Variants in APCDD1 observed in about 807,000 individuals in gnomAD.
APCDD1 encodes protein APCDD1.
Under a neutral mutation model 38.1 loss-of-function variants are expected in APCDD1, and 15 were observed. The observed-to-expected ratio is 0.39, with a 90% CI of 0.26 to 0.61. The LOEUF (loss-of-function observed/expected upper bound fraction) is 0.61. Ranked by LOEUF, APCDD1 falls within the 20% of genes least tolerant of loss-of-function variation. The pLI, the probability that APCDD1 is intolerant of heterozygous loss-of-function variation, is 0.49. For synonymous variants in APCDD1, 261 were observed against 279.7 expected (o/e 0.93, Z 0.67); for missense variants, 647 against 696.2 (o/e 0.93, Z 0.79).
At chr18:10,487,523 T>C (rs888645053) in intron 4 of APCDD1, 67 bp from the exon 5 acceptor site, 15 of 1,523,440 alleles carry the variant, frequency 9.8e-6, no homozygotes, top group Non-Finnish European at 1.4e-5. Context: ...GCCAGTGTTT[T>C]CTGGGTGGGT....
chr18:10,478,161 G>A (rs1415052974), intron 3 of APCDD1, among the ~76,000 whole-genome samples: 2 of 152,208 alleles, frequency 1.3e-5, no homozygotes, highest in African/African-American at 4.8e-5. Context: ...TACAGACTCA[G>A]GAATTAGCAG....
At position 10,487,931 on chromosome 18, in the gene APCDD1, A is replaced by G; in HGVS notation, c.1438A>G (p.Ser480Gly). The change falls in exon 5 of 5, where the codon AGT (serine) becomes GGT (glycine). Residue 480 changes from serine (S) to glycine (G), a missense_variant. Coordinates refer to ENST00000355285, the MANE Select transcript of APCDD1 (RefSeq NM_153000.5). Reference sequence around the variant, plus strand: ...GAGGGCAGAGGACCTCGCAGAAGACAGTGGAAGCAGCCTGTATGGCCGGGC... The same window carrying G: ...GAGGGCAGAGGACCTCGCAGAAGACGGTGGAAGCAGCCTGTATGGCCGGGC... ...SPRAEDLAED[S>G]GSSLYGRAPG... 5 of 1,613,476 alleles carry G rather than the reference A, an allele frequency of 3.1e-6. No individual in the cohort carries two copies. The highest frequency in any genetic ancestry group is 4.2e-6 in the Non-Finnish European group (5 of 1,179,822).
At chr18:10,481,179 T>G (rs1448440931) in intron 3 of APCDD1, among the ~76,000 whole-genome samples, 1 of 152,196 alleles carries the variant, frequency 6.6e-6, no homozygotes, top group Non-Finnish European at 1.5e-5. Context: ...AATTACCAAA[T>G]TGATCCACCT....
In APCDD1 at chr18:10,454,665, C is replaced by A; in HGVS notation, c.-317C>A. The stretch of plus-strand genomic sequence containing the variant: ...GACGCTGCAGCTGCGGTGGCGGTGG[C>A]GGCCACTGCAGCTCAGAGCGGCGCA... On this transcript the variant is annotated 5_prime_UTR_variant, in exon 1 of 5. Coordinates refer to ENST00000355285, the MANE Select transcript of APCDD1 (RefSeq NM_153000.5). 9.7e-7 allele frequency: 1 copy of A among 1,029,284 alleles called. No homozygotes were observed. The highest frequency in any genetic ancestry group is 1.2e-6 in the Non-Finnish European group (1 of 860,422). The allele number at this position is 1,029,284 out of a possible 1,614,324, so 63.8% of individuals were successfully genotyped here.
intron 1 of APCDD1, among the ~76,000 whole-genome samples, chr18:10,466,744 T>C (rs1435870993): frequency 6.6e-6 from 1 of 152,182 alleles, no homozygotes; most frequent in Non-Finnish European, 1.5e-5. Context: ...ACCATGACCA[T>C]GAATAATAAC....
intron 3 of APCDD1, chr18:10,474,241 A>G (rs1366238986): frequency 6.6e-6 from 1 of 152,258 alleles, no homozygotes; most frequent in African/African-American, 2.4e-5. Flanking sequence ...CTTTCAAATG[A>G]TCTCAGGTAA....
At chr18:10,456,898 G>T (rs958378493) in intron 1 of APCDD1, among the ~76,000 whole-genome samples, 1 of 152,248 alleles carries the variant, frequency 6.6e-6, no homozygotes, top group Non-Finnish European at 1.5e-5. Flanking sequence ...GGGAAGGGCA[G>T]TCTGAGCTAT....
intron 3 of APCDD1, among the ~76,000 whole-genome samples, chr18:10,482,315 G>T (rs770304815): frequency 1.3e-5 from 2 of 152,188 alleles, no homozygotes; most frequent in Non-Finnish European, 2.9e-5. Context: ...AAACCAAGTT[G>T]TGGGGAATGG....
intron 3 of APCDD1, among the ~76,000 whole-genome samples, chr18:10,481,529 A>G (rs476251): frequency 0.55 from 83,576 of 151,772 alleles, 24,660 homozygotes; most frequent in African/African-American, 0.77. Flanking sequence ...TTCCAGGGGC[A>G]GGAGAGAGAA....
At chr18:10,481,047 A>C (rs1309681366) in intron 3 of APCDD1, among the ~76,000 whole-genome samples, 3 of 152,248 alleles carry the variant, frequency 2.0e-5, no homozygotes, top group Non-Finnish European at 2.9e-5. Context: ...CAAAACTAGA[A>C]AATATCCAGT....
chr18:10,457,831 G>C (rs944510968), intron 1 of APCDD1, among the ~76,000 whole-genome samples: 1 of 152,140 alleles, frequency 6.6e-6, no homozygotes, highest in African/African-American at 2.4e-5. Context: ...AGTAAATGAG[G>C]CTCTGGCAAG....
rs754691351 is a variant in APCDD1 at position 10,485,718 on chromosome 18, G to A, written c.1031G>A (p.Arg344Gln). Residue 344 changes from arginine to glutamine, a missense_variant, in exon 4 of 5, where the codon CGG becomes CAG. Coordinates refer to ENST00000355285, the MANE Select transcript of APCDD1 (RefSeq NM_153000.5). This position sits in a 1 kb window ranked among gnomAD's most constrained non-coding sequence, Gnocchi z 5.8. The part of the protein sequence containing the change: ...CKHPTFSIYA[R>Q]GRYSRGVLSS... ...CACCCCACCTTCTCCATCTACGCCC[G>A]GGGCCGCTACAGCCGCGGCGTCCTC... 116 of 1,614,036 alleles carry A rather than the reference G, an allele frequency of 7.2e-5. No homozygotes were observed. The Middle Eastern group carries it at 3.1e-3, about 44-fold the overall frequency.
intron 1 of APCDD1, among the ~76,000 whole-genome samples, chr18:10,464,872 G>A (rs1320483047): frequency 6.6e-6 from 1 of 152,184 alleles, no homozygotes; most frequent in African/African-American, 2.4e-5. Flanking sequence ...AGAGCTCAGA[G>A]TGAGCCTGGC....
intron 1 of APCDD1, among the ~76,000 whole-genome samples, chr18:10,460,746 C>T (rs868540924): frequency 6.6e-6 from 1 of 152,228 alleles, no homozygotes; most frequent in African/African-American, 2.4e-5. Context: ...CACCCTTTTT[C>T]TTCTCTCACT....
rs141295029 is a variant in APCDD1, at chr18:10,457,921, T to G, written c.58+2882T>G. ...AAATTTGATGGCATAAAAGTATACA[T>G]GTCAGTTTTACTTTCCTCCTCTTCA... On this transcript the variant is annotated intron_variant, in intron 1 of 4. Transcript: ENST00000355285. 5.0e-3 allele frequency among the ~76,000 whole-genome samples: 756 copies of G among 152,348 alleles called. 4 individuals are homozygous for G. Among genetic ancestry groups the G allele is most frequent in the South Asian group, 0.014 (67 of 4,826 alleles).
chr18:10,460,060 A>C lies in APCDD1; in HGVS notation c.58+5021A>C, dbSNP rs1598394312. Among the ~76,000 whole-genome samples, 3 of 152,340 alleles carry C rather than the reference A, an allele frequency of 2.0e-5. 1 individual carries two copies. Among genetic ancestry groups the C allele is most frequent in the Admixed American group, 6.5e-5 (1 of 15,308 alleles). Reference sequence around the variant, plus strand: ...TGTATAGAGATTAACCTGATCAAAGATTAGTTTAGCCCCACGTGTGCTTGA... The same window carrying C: ...TGTATAGAGATTAACCTGATCAAAGCTTAGTTTAGCCCCACGTGTGCTTGA... On this transcript the variant is annotated intron_variant, in intron 1 of 4. Coordinates refer to ENST00000355285, the MANE Select transcript of APCDD1 (RefSeq NM_153000.5).
intron 3 of APCDD1, among the ~76,000 whole-genome samples, chr18:10,480,997 G>A (rs1471001738): frequency 6.6e-6 from 1 of 152,104 alleles, no homozygotes; most frequent in Non-Finnish European, 1.5e-5. Context: ...TGAGCTATCA[G>A]TTTACCCAGT....
intron 3 of APCDD1, among the ~76,000 whole-genome samples, chr18:10,481,379 C>A (rs1341589006): frequency 6.6e-6 from 1 of 152,182 alleles, no homozygotes; most frequent in Non-Finnish European, 1.5e-5. Flanking sequence ...AATTCTGACA[C>A]ATTTTACAAC....
At position 10,471,695 on chromosome 18, in the gene APCDD1, C is replaced by T. The variant is rs1428198099; in HGVS notation, c.408C>T (p.Ile136=). ...TCCGCCTCCGCCAGGCCTCCTGGAT[C>T]ATCCGAGGGGGCACGGAAGCCGACT... ...GKIRLRQASW[I]IRGGTEADYQ... is the part of the protein sequence containing the mutation. The change falls in exon 3 of 5, where the codon ATC becomes ATT. Residue 136 remains isoleucine, a synonymous_variant. Coordinates refer to ENST00000355285, the MANE Select transcript of APCDD1 (RefSeq NM_153000.5). This position sits in a 1 kb window ranked among gnomAD's most constrained non-coding sequence, Gnocchi z 5.5. 1 of 1,614,182 alleles carries T rather than the reference C, an allele frequency of 6.2e-7. No homozygotes were observed.
Sources: allele counts gnomAD v4.1 joint callset (sites outside exome capture counted in the v4.1 genomes callset), GRCh38; gene constraint gnomAD v4.1.1; non-coding constraint Gnocchi (gnomAD v3.1); transcripts MANE v1.5; gene names NCBI Gene and HGNC (gene_info 2026-07-23, HGNC 2026-07-21).